SHISA6: variants seen among roughly 807,000 people sequenced by gnomAD.
The protein encoded by SHISA6 is shisa family member 6, also known as protein shisa-6.
In SHISA6, 22 loss-of-function variants were observed where a neutral mutation model predicts 47.9. The ratio of observed to expected loss-of-function variants is 0.46; its 90% CI spans 0.33 to 0.66. The LOEUF is 0.66. SHISA6 is among the 30% of genes least tolerant of loss of function. SHISA6 has a pLI of 0.02. For missense variants in SHISA6, 680 were observed against 764.6 expected, an observed-to-expected ratio of 0.89 and a Z score of 1.30; for synonymous variants, 388 against 337.8, an observed-to-expected ratio of 1.15 and a Z score of -1.63.
At chr17:11,501,115 A>AT (rs61051749) in intron 3 of SHISA6, among the ~76,000 whole-genome samples, 27,812 of 145,248 alleles carry the variant, frequency 0.19, 2,659 homozygotes, top group East Asian at 0.25. Context: ...CTTCCAACAC[A>AT]TTTTTTTTTT....
chr17:11,395,494 G>A (rs1411605558), intron 3 of SHISA6, among the ~76,000 whole-genome samples: 1 of 149,554 alleles, frequency 6.7e-6, no homozygotes, highest in East Asian at 2.0e-4. Context: ...CATATTATAT[G>A]CAAATACAGG....
At chr17:11,414,818 T>C (rs982941951) in intron 3 of SHISA6, among the ~76,000 whole-genome samples, 1 of 152,176 alleles carries the variant, frequency 6.6e-6, no homozygotes, top group Non-Finnish European at 1.5e-5. Flanking sequence ...CCGGGTGTGG[T>C]GGCTCACGCC....
At chr17:11,372,439 AG>A (rs1194667806) in intron 2 of SHISA6, among the ~76,000 whole-genome samples, 1 of 152,316 alleles carries the variant, frequency 6.6e-6, no homozygotes, top group African/African-American at 2.4e-5. Flanking sequence ...TTTTCTAAAA[AG>A]GTATCTTATA....
At chr17:11,364,941 T>C (rs1422723069) in intron 2 of SHISA6, among the ~76,000 whole-genome samples, 1 of 152,148 alleles carries the variant, frequency 6.6e-6, no homozygotes, top group Non-Finnish European at 1.5e-5. Context: ...GTAGACTTTC[T>C]TGAAGCCATG....
intron 3 of SHISA6, among the ~76,000 whole-genome samples, chr17:11,538,896 G>A (rs2071809346): frequency 6.6e-6 from 1 of 152,092 alleles, no homozygotes; most frequent in Non-Finnish European, 1.5e-5. Context: ...GAGAGTTATA[G>A]CCAATATCTA....
chr17:11,370,944 T>C (rs1220362246), intron 2 of SHISA6, among the ~76,000 whole-genome samples: 1 of 152,084 alleles, frequency 6.6e-6, no homozygotes, highest in Non-Finnish European at 1.5e-5. Context: ...CCAGCAGCAG[T>C]GTAGGCAGAG....
intron 2 of SHISA6, among the ~76,000 whole-genome samples, chr17:11,334,884 T>C (rs1489142686): frequency 6.6e-6 from 1 of 152,188 alleles, no homozygotes; most frequent in Non-Finnish European, 1.5e-5. Flanking sequence ...GGGTGTGTTA[T>C]AGGGCCACCC....
intron 2 of SHISA6, among the ~76,000 whole-genome samples, chr17:11,309,160 T>A (rs1014084021): frequency 2.0e-5 from 3 of 152,100 alleles, no homozygotes; most frequent in Admixed American, 1.3e-4. Context: ...AGATGGGGTC[T>A]TGCTATGCTG....
At chr17:11,533,036 G>C (rs1332128813) in intron 3 of SHISA6, among the ~76,000 whole-genome samples, 1 of 152,112 alleles carries the variant, frequency 6.6e-6, no homozygotes, top group Non-Finnish European at 1.5e-5. Context: ...AGCTGTGCCT[G>C]TTAGCTATGA....
intron 3 of SHISA6, among the ~76,000 whole-genome samples, chr17:11,469,847 G>A (rs7210815): frequency 0.11 from 17,378 of 152,160 alleles, 2,052 homozygotes; most frequent in African/African-American, 0.3. Context: ...CTTACTTTGC[G>A]TCCCCAGAAA....
chr17:11,315,554 G>T (rs571774688), intron 2 of SHISA6, among the ~76,000 whole-genome samples: 17 of 151,960 alleles, frequency 1.1e-4, no homozygotes, highest in Non-Finnish European at 1.9e-4. Context: ...CAAAAAAATG[G>T]CTTTTTACTA....
intron 3 of SHISA6, among the ~76,000 whole-genome samples, chr17:11,381,348 A>G (rs1443489883): frequency 6.6e-6 from 1 of 152,242 alleles, no homozygotes; most frequent in Admixed American, 6.5e-5. Flanking sequence ...GAGGCCTGCT[A>G]TGTGCTAAGC....
At chr17:11,483,892 G>T (rs1314713512) in intron 3 of SHISA6, among the ~76,000 whole-genome samples, 2 of 152,168 alleles carry the variant, frequency 1.3e-5, no homozygotes, top group East Asian at 3.9e-4. Context: ...AGAGGTTGAG[G>T]CTGCAGTGAA....
chr17:11,314,728 C>CG (rs1268897035), intron 2 of SHISA6, among the ~76,000 whole-genome samples: 11 of 151,860 alleles, frequency 7.2e-5, no homozygotes, highest in South Asian at 2.1e-4. Flanking sequence ...TTAGTAGAGA[C>CG]GGGGTTTCAC....
intron 3 of SHISA6, among the ~76,000 whole-genome samples, chr17:11,546,409 A>C (rs2071884296): frequency 6.6e-6 from 1 of 152,240 alleles, no homozygotes; most frequent in Non-Finnish European, 1.5e-5. Context: ...GAGAATGAGG[A>C]ATCCCTTTTA....
chr17:11,397,561 T>C (rs1913616267), intron 3 of SHISA6, among the ~76,000 whole-genome samples: 1 of 152,208 alleles, frequency 6.6e-6, no homozygotes, highest in Admixed American at 6.5e-5. Flanking sequence ...GTGTTGAAAC[T>C]GTTGTTTTAC....
chr17:11,328,531 A>T (rs982532476), intron 2 of SHISA6, among the ~76,000 whole-genome samples: 10 of 152,238 alleles, frequency 6.6e-5, no homozygotes, highest in African/African-American at 2.4e-4. Context: ...CTGAGTTAAT[A>T]CATCTAAAGT....
At chr17:11,468,743 T>A (rs1915866918) in intron 3 of SHISA6, among the ~76,000 whole-genome samples, 1 of 152,102 alleles carries the variant, frequency 6.6e-6, no homozygotes, top group Non-Finnish European at 1.5e-5. Flanking sequence ...CTTTTGGGCC[T>A]GGCACAGTGG....
chr17:11,502,714 G>A (rs1184338030), intron 3 of SHISA6, among the ~76,000 whole-genome samples: 7 of 152,218 alleles, frequency 4.6e-5, no homozygotes, highest in Non-Finnish European at 1.0e-4. Context: ...ATGACAGAGC[G>A]AGACTCCGTC....
Sources: gnomAD v4.1 joint callset for allele counts (sites outside exome capture counted in the v4.1 genomes callset) on GRCh38, gnomAD v4.1.1 for gene constraint, MANE v1.5 for transcripts, NCBI Gene and HGNC (gene_info 2026-07-23, HGNC 2026-07-21) for gene names.